The following TNXB variants were observed in gnomAD, a reference collection of about 807,000 sequenced individuals.
TNXB encodes the protein tenascin XB, also known as tenascin-X.
A neutral mutation model predicts 340.5 loss-of-function variants in TNXB; 183 were observed. The ratio of observed to expected loss-of-function variants is 0.54; its 90% CI spans 0.48 to 0.61. TNXB has a LOEUF of 0.61. Ranked by LOEUF, TNXB falls within the 20% of genes least tolerant of loss-of-function variation. TNXB has a pLI of 0.00. For synonymous variants in TNXB, 2,121 were observed against 2,314.5 expected, an observed-to-expected ratio of 0.92 and a Z score of 2.40; for missense variants, 4,613 against 5,446.4, an observed-to-expected ratio of 0.85 and a Z score of 4.82.
At chr6:32,088,757 C>T in intron 6 of TNXB, 28 bp downstream of exon 6, 2 of 1,547,146 alleles carry the variant, frequency 1.3e-6, no homozygotes, top group South Asian at 2.4e-5. Flanking sequence ...GAAACCAGGG[C>T]CCTTCCCTAA....
Position 32,095,700 on chromosome 6 carries a change from G to C in TNXB, c.2153C>G (p.Thr718Arg). Residue 718 changes from threonine (T) to arginine (R), a missense_variant, in exon 3 of 44, where the codon ACA becomes AGA. Thr to Arg is a moderately conservative substitution (Grantham distance 71, BLOSUM62 -1). Transcript: ENST00000644971. ...TCGGCCACGGCAGTCCCCTGGGCAT[G>C]TCTGGATGGCACAGTCAGGGCCTCG... ...GFRGPDCAIQ[T>R]CPGDCRGRGE... The C allele has an allele frequency of 6.2e-7, 1 of 1,610,868 alleles. No individual in the cohort carries two copies. The highest frequency in any genetic ancestry group is 8.5e-7 in the Non-Finnish European group (1 of 1,178,798).
At position 32,072,410 on chromosome 6, in the gene TNXB, C is replaced by T. The variant is rs1778833003; in HGVS notation, c.4682-112G>A. Reference sequence around the variant, plus strand: ...GAGATGGGGAATAGTTACACCTTTACTTCCAGACCTCTAACTGAAATGCAG... The same window carrying T: ...GAGATGGGGAATAGTTACACCTTTATTTCCAGACCTCTAACTGAAATGCAG... On this transcript the variant is annotated intron_variant, in intron 12 of 43. Coordinates refer to ENST00000644971, the MANE Select transcript of TNXB (RefSeq NM_001365276.2). This position sits in a 1 kb window ranked among gnomAD's most constrained non-coding sequence, Gnocchi z 4.4. 4 of 803,016 alleles carry T rather than the reference C, an allele frequency of 5.0e-6. No individual in the cohort carries two copies. The East Asian group carries it at 1.1e-4, about 22-fold the overall frequency. The allele number at this position is 803,016 out of a possible 1,614,324, so 49.7% of individuals were successfully genotyped here. A position where few individuals can be genotyped will look rare whatever the true frequency, so the allele number is the denominator to read the frequency against.
chr6:32,086,225 T>C (rs1026412887), intron 6 of TNXB, 107 bp from the exon 7 acceptor site: 3 of 1,328,926 alleles, frequency 2.3e-6, no homozygotes, highest in Non-Finnish European at 3.0e-6. Flanking sequence ...CTTGTTCTAC[T>C]TCTACTTCTG....
At position 32,046,040 on chromosome 6, in the gene TNXB, C is replaced by A. The variant is rs1435966782; in HGVS notation, c.10606+135G>T. 5.1e-5 allele frequency: 73 copies of A among 1,428,876 alleles called. No individual in the cohort carries two copies. The highest frequency in any genetic ancestry group is 6.5e-5 in the Non-Finnish European group (71 of 1,095,402). 88.5% of individuals were successfully genotyped at this position (1,428,876 alleles called of 1,614,324 possible). On this transcript the variant is annotated intron_variant, in intron 31 of 43. Transcript: ENST00000644971. The surrounding 1 kb of genome is among the most constrained non-coding windows in gnomAD (Gnocchi z 6.9). ...GTTGAAGCCCACAGGGCTGCAGACT[C>A]CTCCTCCTTCCTGGGGACAGGCCAG... is the stretch of plus-strand genomic sequence containing the variant.
intron 1 of TNXB, among the ~76,000 whole-genome samples, chr6:32,101,080 A>C (rs1173406375): frequency 1.4e-5 from 2 of 146,532 alleles, no homozygotes; most frequent in Non-Finnish European, 3.0e-5. Context: ...TCCATCTCAA[A>C]AAAAAAAAAA....
At chr6:32,042,402 G>C (rs370343765) in intron 40 of TNXB, 40 bp from the exon 41 acceptor site, 4 of 1,595,714 alleles carry the variant, frequency 2.5e-6, no homozygotes, top group Non-Finnish European at 3.4e-6. Flanking sequence ...TCTGGCTCCC[G>C]GGGCAACAGA....
chr6:32,081,743 A>C lies in TNXB; in HGVS notation c.3737-70T>G. The C allele has an allele frequency of 2.2e-6, 2 of 927,788 alleles. No individual in the cohort carries two copies. Among genetic ancestry groups the C allele is most frequent in the Non-Finnish European group, 3.1e-6 (2 of 642,392 alleles). 57.5% of individuals were successfully genotyped at this position (927,788 alleles called of 1,614,324 possible). ...GACTGGGGCTTGGGGTTTCGACGGGATGTCACACCTATGGGGGGTGGGGGG... is the reference window on the plus strand; with the variant it reads ...GACTGGGGCTTGGGGTTTCGACGGGCTGTCACACCTATGGGGGGTGGGGGG... On this transcript the variant is annotated intron_variant, in intron 9 of 43. Coordinates refer to ENST00000644971, the MANE Select transcript of TNXB (RefSeq NM_001365276.2). The surrounding 1 kb of genome is among the most constrained non-coding windows in gnomAD (Gnocchi z 5.1).
Position 32,058,511 on chromosome 6 carries a change from A to G in TNXB, c.7493-121T>C. ...TCCAGAGCAGGCTGAGGGCTGGGGC[A>G]GCTTTGTGTTCGCCGTTCAGTGACT... On this transcript the variant is annotated intron_variant, in intron 21 of 43. Transcript: ENST00000644971. The surrounding 1 kb of genome is among the most constrained non-coding windows in gnomAD (Gnocchi z 5.1). The G allele has an allele frequency of 1.2e-6, 1 of 859,004 alleles. No homozygotes were observed. Among genetic ancestry groups the G allele is most frequent in the Non-Finnish European group, 1.7e-6 (1 of 577,536 alleles). The allele number at this position is 859,004 out of a possible 1,614,324, so 53.2% of individuals were successfully genotyped here.
Position 32,068,640 on chromosome 6 carries a change from C to T in TNXB, c.5970G>A (p.Leu1990=). The T allele has an allele frequency of 6.2e-7, 1 of 1,613,886 alleles. No individual in the cohort carries two copies. Among genetic ancestry groups the T allele is most frequent in the Non-Finnish European group, 8.5e-7 (1 of 1,179,874 alleles). Residue 1990 remains leucine (L), a synonymous_variant, in exon 17 of 44, where the codon CTG becomes CTA. Coordinates refer to ENST00000644971, the MANE Select transcript of TNXB (RefSeq NM_001365276.2). This position sits in a 1 kb window ranked among gnomAD's most constrained non-coding sequence, Gnocchi z 5.3. ...TGGCATCTGTCACGGTCAGCTCCCC[C>T]AGGCGAGGCTTGATGGGGGGCTCGG... ...ATPEPPIKPR[L]GELTVTDATP...
In TNXB at chr6:32,069,105, C is replaced by A; in HGVS notation, c.5619G>T (p.Thr1873=). Residue 1873 remains threonine, a synonymous_variant, in exon 16 of 44, where the codon ACG becomes ACT. Transcript: ENST00000644971. This position sits in a 1 kb window ranked among gnomAD's most constrained non-coding sequence, Gnocchi z 6.2. ...AGREETETET[T]APTPPAPEPH... ...GCTCAGGCGCTGGAGGGGTCGGGGC[C>A]GTGGTCTCAGTTTCCGTTTCTTCCC... The A allele has an allele frequency of 6.2e-7, 1 of 1,610,674 alleles. No homozygotes were observed. Among genetic ancestry groups the A allele is most frequent in the Non-Finnish European group, 8.5e-7 (1 of 1,179,186 alleles).
In TNXB at chr6:32,056,154, T is replaced by A. The variant is rs1351611992; in HGVS notation, c.8164A>T (p.Ser2722Cys). 3.7e-6 allele frequency: 6 copies of A among 1,611,558 alleles called. No homozygotes were observed. In the African/African-American group the frequency reaches 5.3e-5, roughly 14 times the overall value. ...GVTAAEEETP[S>C]PTELSTEAPE... ...GCCTCAGTGCTGAGTTCCGTGGGGC[T>A]GGGGGTCTCTTCCTCTGCAGCTGAG... The change falls in exon 24 of 44, where the codon AGC becomes TGC. Residue 2722 changes from serine to cysteine, a missense_variant. Physicochemically the swap from Ser to Cys is moderately radical, Grantham distance 112. Coordinates refer to ENST00000644971, the MANE Select transcript of TNXB (RefSeq NM_001365276.2).
rs1050719879 is a variant in TNXB, at chr6:32,097,690, T to C, written c.403+106A>G. 11 of 1,301,432 alleles carry C rather than the reference T, an allele frequency of 8.5e-6. No homozygotes were observed. The highest frequency in any genetic ancestry group is 5.0e-5 in the East Asian group (2 of 40,258). The allele number at this position is 1,301,432 out of a possible 1,614,324, so 80.6% of individuals were successfully genotyped here. ...TTCTGGGCTGCATCCACACCCCTCA[T>C]GGTGAGGAAGGAGTGCCTTCTTCTA... On this transcript the variant is annotated intron_variant, in intron 2 of 43. Coordinates refer to ENST00000644971, the MANE Select transcript of TNXB (RefSeq NM_001365276.2). The surrounding 1 kb of genome is among the most constrained non-coding windows in gnomAD (Gnocchi z 5.9).
Position 32,069,094 on chromosome 6 carries a change from G to A in TNXB, c.5630C>T (p.Pro1877Leu). 1 of 1,612,286 alleles carries A rather than the reference G, an allele frequency of 6.2e-7. No homozygotes were observed. The highest frequency in any genetic ancestry group is 8.5e-7 in the Non-Finnish European group (1 of 1,179,746). The change falls in exon 16 of 44, where the codon CCT becomes CTT. Residue 1877 changes from proline to leucine, a missense_variant. Pro to Leu is a moderately conservative substitution (Grantham distance 98). Transcript: ENST00000644971. The surrounding 1 kb of genome is among the most constrained non-coding windows in gnomAD (Gnocchi z 6.2). ...ETETETTAPT[P>L]PAPEPHLGEL... The stretch of plus-strand genomic sequence containing the variant: ...CCCGAGGTGGGGCTCAGGCGCTGGA[G>A]GGGTCGGGGCCGTGGTCTCAGTTTC...
Position 32,047,914 on chromosome 6 carries a change from A to G in TNXB, c.10144T>C (p.Phe3382Leu), listed in dbSNP as rs755414858. The change falls in exon 30 of 44, where the codon TTC becomes CTC. Residue 3382 changes from phenylalanine to leucine, a missense_variant. Phe to Leu is a conservative substitution (Grantham distance 22, BLOSUM62 0). Coordinates refer to ENST00000644971, the MANE Select transcript of TNXB (RefSeq NM_001365276.2). This position sits in a 1 kb window ranked among gnomAD's most constrained non-coding sequence, Gnocchi z 6.2. ...TTGTACTGGACCACGAAGGAGTCGA[A>G]TTCGCCCTCAGGGACCGTCCACGAG... The part of the protein sequence containing the change: ...GLSWTVPEGE[F>L]DSFVVQYKDK... 1 of 1,612,708 alleles carries G rather than the reference A, an allele frequency of 6.2e-7. No homozygotes were observed. The highest frequency in any genetic ancestry group is 1.1e-5 in the South Asian group (1 of 91,032).
chr6:32,095,491 G>T, intron 3 of TNXB, 120 bp downstream of exon 3: 1 of 1,307,628 alleles, frequency 7.6e-7, no homozygotes, highest in Non-Finnish European at 1.1e-6. Context: ...CCCCTGGTGG[G>T]CACTGGCTCC....
chr6:32,091,623 C>T (rs204898), intron 4 of TNXB, among the ~76,000 whole-genome samples: 9,116 of 151,918 alleles, frequency 0.06, 404 homozygotes, highest in African/African-American at 0.12. Flanking sequence ...TACAGGCATA[C>T]ACCACCATGC....
Position 32,098,098 on chromosome 6 carries a change from A to G in TNXB, c.101T>C (p.Leu34Pro). The stretch of plus-strand genomic sequence containing the variant: ...CTGGGGAGGGGGCCGGGGGGCTGGC[A>G]GTGTCACATTGGACCGTGAAGAGAA... ...GPFSSRSNVT[L>P]PAPRPPPQPG... Residue 34 changes from leucine (L) to proline (P), a missense_variant, in exon 2 of 44, where the codon CTG (leucine) becomes CCG (proline). By Grantham distance (98) the Leu-to-Pro change is moderately conservative. Transcript: ENST00000644971. 1 of 1,604,374 alleles carries G rather than the reference A, an allele frequency of 6.2e-7. No individual in the cohort carries two copies. The highest frequency in any genetic ancestry group is 1.1e-5 in the South Asian group (1 of 89,430).
Position 32,044,025 on chromosome 6 carries a change from A to T in TNXB, c.11368T>A (p.Tyr3790Asn), listed in dbSNP as rs756621012. The change falls in exon 34 of 44, where the codon TAC (tyrosine) becomes AAC (asparagine). Residue 3790 changes from tyrosine (Y) to asparagine (N), a missense_variant. Around this residue, in one of 7 missense-constraint regions of TNXB, gnomAD observed 14 missense variants for 33.4 expected, o/e 0.42. Transcript: ENST00000644971. ...PSRADSFKVS[Y>N]QLADGGEPQS... ...GCACCACCTCCGTCCGCCAGCTGGT[A>T]GGAGACTTTGAAGCTGTCCGCCCGG... The T allele has an allele frequency of 5.7e-6, 9 of 1,585,168 alleles. No individual in the cohort carries two copies. The highest frequency in any genetic ancestry group is 6.9e-6 in the Non-Finnish European group (8 of 1,166,058).
Position 32,088,853 on chromosome 6 carries a change from T to TA in TNXB, c.2710dup (p.Tyr904LeufsTer36). On this transcript the variant is annotated frameshift_variant, in exon 6 of 44. Coordinates refer to ENST00000644971, the MANE Select transcript of TNXB (RefSeq NM_001365276.2). LOFTEE classifies it high-confidence loss of function. ...CCGCTCCGCTGTGACAGTCACCACA[T>TA]ATTCTACGCCTGGCATCAGGTCAGT... The TA allele has an allele frequency of 6.3e-7, 1 of 1,583,946 alleles. No individual in the cohort carries two copies. The highest frequency in any genetic ancestry group is 2.3e-5 in the East Asian group (1 of 43,546).
Sources: allele counts gnomAD v4.1 joint callset (sites outside exome capture counted in the v4.1 genomes callset), GRCh38; gene constraint gnomAD v4.1.1; regional missense constraint gnomAD v4.1.1; non-coding constraint Gnocchi (gnomAD v3.1); transcripts MANE v1.5; gene names NCBI Gene and HGNC (gene_info 2026-07-23, HGNC 2026-07-21).